Variants in CHD1L observed in about 807,000 individuals in gnomAD.
CHD1L encodes the protein chromodomain helicase DNA binding protein 1 like.
Under a neutral mutation model 115.9 loss-of-function variants are expected in CHD1L, and 118 were observed. The observed-to-expected ratio is 1.02, with a 90% CI of 0.88 to 1.19. CHD1L has a LOEUF of 1.19. CHD1L is among the 50% of genes most tolerant of loss of function. The pLI, the probability that CHD1L is intolerant of heterozygous loss-of-function variation, is 0.00. For missense variants in CHD1L, 1,179 were observed against 1,065.3 expected (o/e 1.11, Z -1.49); for synonymous variants, 411 against 387.1 (o/e 1.06, Z -0.72).
chr1:147,184,317 A>G, the CHD1L span: 1 of 612,106 alleles, frequency 1.6e-6, no homozygotes, highest in Non-Finnish European at 2.4e-6. The surrounding 1 kb of genome is among the most constrained non-coding windows in gnomAD (Gnocchi z 4.4). Flanking sequence ...CCCCACATCC[A>G]ATTTCCTTTA....
chr1:147,257,299 A>C (rs7523685), intron 5 of CHD1L, among the ~76,000 whole-genome samples: 37,160 of 151,964 alleles, frequency 0.24, 4,886 homozygotes, highest in Non-Finnish European at 0.29. Flanking sequence ...TTTAAATGTT[A>C]TTTCTTATCC....
At chr1:147,261,725 A>G (rs1672001955) in intron 6 of CHD1L, among the ~76,000 whole-genome samples, 1 of 151,316 alleles carries the variant, frequency 6.6e-6, no homozygotes. Flanking sequence ...AAGGAAACTA[A>G]GGCTCAGGGA....
chr1:147,266,261 C>T (rs1028382405), intron 8 of CHD1L, among the ~76,000 whole-genome samples, 174 bp downstream of exon 8: 1 of 152,174 alleles, frequency 6.6e-6, no homozygotes, highest in Non-Finnish European at 1.5e-5. Context: ...TTAAAGATAA[C>T]AGCCTTGGTT....
At chr1:147,215,153 A>C in the CHD1L span, 1 of 152,208 alleles carries the variant, frequency 6.6e-6, no homozygotes, top group East Asian at 1.9e-4. Context: ...TGGTACAATC[A>C]TCTTGTTTTA....
the CHD1L span, among the ~76,000 whole-genome samples, chr1:147,202,611 CCTG>C: frequency 6.6e-6 from 1 of 152,140 alleles, no homozygotes; most frequent in African/African-American, 2.4e-5. Context: ...AGCCACAGCA[CCTG>C]GCCTAAAAAG....
In CHD1L at chr1:147,275,292, G is replaced by A. The variant is rs898953643; in HGVS notation, c.1271-62G>A. The A allele has an allele frequency of 4.8e-6, 6 of 1,245,748 alleles. No individual in the cohort carries two copies. The Admixed American group carries it at 8.4e-5, about 18-fold the overall frequency. The allele number at this position is 1,245,748 out of a possible 1,614,324, so 77.2% of individuals were successfully genotyped here. A position where few individuals can be genotyped will look rare whatever the true frequency, so the allele number is the denominator to read the frequency against. The stretch of plus-strand genomic sequence containing the variant: ...TCAGTCTGACCCACTCTAGCCTTGT[G>A]CTTATTTTCTAGCTCCTCGTCTTTG... On this transcript the variant is annotated intron_variant, in intron 12 of 22. Coordinates refer to ENST00000369258, the MANE Select transcript of CHD1L (RefSeq NM_004284.6).
At chr1:147,178,956 C>G in the CHD1L span, 18 of 1,612,198 alleles carry the variant, frequency 1.1e-5, no homozygotes, top group Non-Finnish European at 1.4e-5. Context: ...ACTGGAGAAA[C>G]AGGGTAATGA....
chr1:147,233,904 G>C, the CHD1L span, among the ~76,000 whole-genome samples: 2 of 151,880 alleles, frequency 1.3e-5, no homozygotes, highest in African/African-American at 2.4e-5. Flanking sequence ...CAGCATGCTC[G>C]TTAAGAGTCA....
the CHD1L span, among the ~76,000 whole-genome samples, chr1:147,205,964 TC>T: frequency 6.6e-6 from 1 of 151,988 alleles, no homozygotes; most frequent in Admixed American, 6.6e-5. Context: ...GAAACTACCA[TC>T]AAAGTGAACA....
At chr1:147,280,347 G>A (rs1680352580) in intron 15 of CHD1L, among the ~76,000 whole-genome samples, 156 bp downstream of exon 15, 1 of 152,134 alleles carries the variant, frequency 6.6e-6, no homozygotes, top group African/African-American at 2.4e-5. Flanking sequence ...CTTGATAAAA[G>A]AACGTTACCC....
chr1:147,254,047 G>A (rs72999628), intron 2 of CHD1L, among the ~76,000 whole-genome samples: 2,629 of 152,192 alleles, frequency 0.017, 79 homozygotes, highest in African/African-American at 0.06. Flanking sequence ...TATATCCTTA[G>A]GACAGATTTT....
chr1:147,293,871 T>A, intron 21 of CHD1L, 149 bp downstream of exon 21: 1 of 645,398 alleles, frequency 1.5e-6, no homozygotes, highest in Non-Finnish European at 2.7e-6. Flanking sequence ...CGTCTTGTAG[T>A]CATATAGCCC....
At chr1:147,266,149 T>C in intron 8 of CHD1L, 62 bp downstream of exon 8, 3 of 1,440,440 alleles carry the variant, frequency 2.1e-6, no homozygotes, top group South Asian at 1.3e-5. Context: ...GGTAGTAAAA[T>C]ATTTTATAAT....
chr1:147,270,362 T>G (rs1675667036), intron 10 of CHD1L, among the ~76,000 whole-genome samples: 1 of 152,146 alleles, frequency 6.6e-6, no homozygotes, highest in Non-Finnish European at 1.5e-5. Flanking sequence ...TTATGGAAAA[T>G]GAGACATCAC....
chr1:147,241,814 T>C (rs1335066109), upstream of CHD1L, among the ~76,000 whole-genome samples: 1 of 152,174 alleles, frequency 6.6e-6, no homozygotes, highest in Non-Finnish European at 1.5e-5. Context: ...GAGAATACTA[T>C]TCTAATGACA....
At chr1:147,285,235 A>T (rs1553964530) in intron 16 of CHD1L, 89 bp from the exon 17 acceptor site, 1 of 1,397,140 alleles carries the variant, frequency 7.2e-7, no homozygotes, top group African/African-American at 1.4e-5. Context: ...AATATTAAGC[A>T]TGTTGCTTCC....
intron 3 of CHD1L, among the ~76,000 whole-genome samples, chr1:147,255,298 G>A (rs1344831938): frequency 1.3e-5 from 2 of 152,148 alleles, no homozygotes; most frequent in African/African-American, 2.4e-5. Context: ...CACGATCTTG[G>A]CTCACCACAA....
the CHD1L span, chr1:147,179,467 C>T: frequency 7.0e-6 from 11 of 1,576,206 alleles, no homozygotes; most frequent in Admixed American, 3.3e-5. Flanking sequence ...AGTTTTCCTA[C>T]CATATACTTC....
At chr1:147,289,240 G>A (rs2102974903) in intron 19 of CHD1L, among the ~76,000 whole-genome samples, 1 of 152,058 alleles carries the variant, frequency 6.6e-6, no homozygotes, top group South Asian at 2.1e-4. Context: ...AAATCATGTG[G>A]GAGAGAGGAT....
Sources: allele counts gnomAD v4.1 joint callset (sites outside exome capture counted in the v4.1 genomes callset), GRCh38; gene constraint gnomAD v4.1.1; non-coding constraint Gnocchi (gnomAD v3.1); transcripts MANE v1.5; gene names NCBI Gene and HGNC (gene_info 2026-07-23, HGNC 2026-07-21).